Variants in GNAI1 observed in about 807,000 individuals in gnomAD.
GNAI1 encodes the protein guanine nucleotide-binding protein G(i) subunit alpha-1.
GNAI1 carries 11 observed loss-of-function variants against 38.9 expected under a neutral mutation model. That is an observed-to-expected ratio of 0.28 (90% CI 0.18 to 0.47). The LOEUF is 0.47. GNAI1 is among the 20% of genes least tolerant of loss of function. GNAI1 has a pLI of 0.99. For synonymous variants in GNAI1, 166 were observed against 145.1 expected, an observed-to-expected ratio of 1.14 and a Z score of -1.04; for missense variants, 317 against 436.9, an observed-to-expected ratio of 0.73 and a Z score of 2.45.
intron 1 of GNAI1, among the ~76,000 whole-genome samples, chr7:80,146,895 A>G (rs549158252): frequency 2.0e-5 from 3 of 152,290 alleles, no homozygotes; most frequent in South Asian, 2.1e-4. Flanking sequence ...GAACACACAC[A>G]TATCTATCAC....
chr7:80,168,672 C>T (rs2428470), intron 1 of GNAI1, among the ~76,000 whole-genome samples: 9,343 of 152,192 alleles, frequency 0.061, 388 homozygotes, highest in Non-Finnish European at 0.088. Context: ...CGTGAGCCAC[C>T]GCGCCTGGCC....
intron 5 of GNAI1, 73 bp from the exon 6 acceptor site, chr7:80,210,896 T>C (rs3801356): frequency 0.22 from 279,459 of 1,295,336 alleles, 31,859 homozygotes; most frequent in Middle Eastern, 0.26. Flanking sequence ...GAGCTTTTTT[T>C]GTTAGCATTA....
intron 1 of GNAI1, among the ~76,000 whole-genome samples, chr7:80,154,359 T>C (rs981816629): frequency 7.9e-5 from 12 of 152,220 alleles, no homozygotes; most frequent in African/African-American, 2.7e-4. Flanking sequence ...TCTGTGTGAA[T>C]TTGGTGAATT....
chr7:80,181,974 C>G (rs1388545105), intron 1 of GNAI1, among the ~76,000 whole-genome samples: 1 of 152,124 alleles, frequency 6.6e-6, no homozygotes, highest in Non-Finnish European at 1.5e-5. Flanking sequence ...CAGTGGATCT[C>G]TACAACTTAT....
In GNAI1 at chr7:80,193,128, A is replaced by T. The variant is rs6467044; in HGVS notation, c.303+3897A>T. 2.6e-5 allele frequency among the ~76,000 whole-genome samples: 4 copies of T among 151,850 alleles called. No individual in the cohort carries two copies. The South Asian group carries it at 6.2e-4, about 24-fold the overall frequency. On this transcript the variant is annotated intron_variant, in intron 3 of 7. Coordinates refer to ENST00000649796, the MANE Select transcript of GNAI1 (RefSeq NM_002069.6). ...GCACCTGGTAGAGTAAGCGCACCCCATTTCATTCCGTTGTTCTTTTGCCGA... is the reference window on the plus strand; with the variant it reads ...GCACCTGGTAGAGTAAGCGCACCCCTTTTCATTCCGTTGTTCTTTTGCCGA...
At chr7:80,187,819 C>G (rs753736274) in intron 1 of GNAI1, among the ~76,000 whole-genome samples, 21 of 152,086 alleles carry the variant, frequency 1.4e-4, no homozygotes, top group Non-Finnish European at 2.2e-4. Context: ...TTCTCAATAC[C>G]CAGCAATCAA....
chr7:80,137,323 T>C (rs1490873636), intron 1 of GNAI1, among the ~76,000 whole-genome samples: 31 of 127,590 alleles, frequency 2.4e-4, no homozygotes, highest in East Asian at 8.8e-4. Flanking sequence ...TTTTCTTTTT[T>C]TTTTTTTTTT....
chr7:80,188,822 A>C, intron 1 of GNAI1, 129 bp from the exon 2 acceptor site: 2 of 638,866 alleles, frequency 3.1e-6, no homozygotes, highest in Middle Eastern at 8.7e-4. Context: ...AACAAAATTC[A>C]GCTCTAAGAG....
chr7:80,214,899 C>T (rs984403558), intron 7 of GNAI1, among the ~76,000 whole-genome samples: 1 of 152,122 alleles, frequency 6.6e-6, no homozygotes, highest in African/African-American at 2.4e-5. Flanking sequence ...TTGTGGTCAG[C>T]CCTAATTTCT....
chr7:80,220,240 A>G lies in GNAI1; in HGVS notation c.*2747A>G, dbSNP rs1789048032. 6.7e-6 allele frequency among the ~76,000 whole-genome samples: 1 copy of G among 148,814 alleles called. No homozygotes were observed. Among genetic ancestry groups the G allele is most frequent in the Non-Finnish European group, 1.5e-5 (1 of 67,264 alleles). On this transcript the variant is annotated 3_prime_UTR_variant, in exon 8 of 8. Transcript: ENST00000649796. ...CTTTCCTCCAAGTACTGTATTACTT[A>G]CTACATGTGATATGCTTAGAGCAGT...
intron 1 of GNAI1, among the ~76,000 whole-genome samples, chr7:80,137,338 T>TTTTTA (rs1787439828): frequency 7.5e-6 from 1 of 133,132 alleles, no homozygotes; most frequent in African/African-American, 2.7e-5. Flanking sequence ...TTTTTTTTTT[T>TTTTTA]GAGACGGAGT....
At chr7:80,198,909 A>G (rs534654771) in intron 3 of GNAI1, among the ~76,000 whole-genome samples, 11 of 152,298 alleles carry the variant, frequency 7.2e-5, no homozygotes, top group South Asian at 4.1e-4. Flanking sequence ...ATCATCTTCA[A>G]TACACAACAA....
At chr7:80,145,513 T>G (rs909893500) in intron 1 of GNAI1, among the ~76,000 whole-genome samples, 2 of 152,184 alleles carry the variant, frequency 1.3e-5, no homozygotes, top group Admixed American at 6.5e-5. Context: ...TTTTATCCAG[T>G]TGGTAATAAC....
chr7:80,179,186 T>G lies in GNAI1; in HGVS notation c.119-9765T>G, dbSNP rs549777201. Among the ~76,000 whole-genome samples, 41 of 152,350 alleles carry G rather than the reference T, an allele frequency of 2.7e-4. 1 individual carries two copies. Among genetic ancestry groups the G allele is most frequent in the African/African-American group, 8.7e-4 (36 of 41,584 alleles). ...AATAACTAGTTAGCAACTTAATGAC[T>G]GTGTTATGATAACTAATCAAGAAAA... On this transcript the variant is annotated intron_variant, in intron 1 of 7. Transcript: ENST00000649796.
chr7:80,211,173 G>T, intron 6 of GNAI1, 75 bp downstream of exon 6: 1 of 1,300,046 alleles, frequency 7.7e-7, no homozygotes, highest in Non-Finnish European at 1.1e-6. Context: ...TCTTTCTAAT[G>T]TCTATAACAA....
intron 1 of GNAI1, among the ~76,000 whole-genome samples, chr7:80,183,479 G>C (rs1788332991): frequency 6.6e-6 from 1 of 152,144 alleles, no homozygotes; most frequent in South Asian, 2.1e-4. Flanking sequence ...TAAAAGGAGA[G>C]TAGAGGTATG....
chr7:80,189,044 A>G (rs1219170917), intron 2 of GNAI1, 46 bp from the exon 3 acceptor site: 1 of 1,601,158 alleles, frequency 6.2e-7, no homozygotes, highest in Admixed American at 1.7e-5. Flanking sequence ...GTACCGTTCT[A>G]CCAAAGGAAG....
Position 80,199,370 on chromosome 7 carries a change from A to C in GNAI1, c.449A>C (p.Asp150Ala). ...AGATCCCGAGAGTACCAGCTTAATG[A>C]TTCTGCAGCATAGTAAGTAATCATA... ...FNRSREYQLNDSAAYYLNDLD... is the reference protein window; with the variant it reads ...FNRSREYQLNASAAYYLNDLD... Residue 150 changes from aspartate to alanine, a missense_variant, in exon 4 of 8, where the codon GAT becomes GCT. Asp to Ala is a moderately radical substitution (Grantham distance 126, BLOSUM62 -2). Around this residue, in one of 5 missense-constraint regions of GNAI1, gnomAD observed 158 missense variants for 234.7 expected, o/e 0.67. Coordinates refer to ENST00000649796, the MANE Select transcript of GNAI1 (RefSeq NM_002069.6). 3.1e-6 allele frequency: 5 copies of C among 1,601,156 alleles called. No homozygotes were observed. The highest frequency in any genetic ancestry group is 4.3e-6 in the Non-Finnish European group (5 of 1,172,366).
rs1445838520 is a variant in GNAI1 at position 80,219,386 on chromosome 7, T to A, written c.*1893T>A. The A allele has an allele frequency of 1.3e-5, 2 of 152,634 alleles. No individual in the cohort carries two copies. Among genetic ancestry groups the A allele is most frequent in the Non-Finnish European group, 2.9e-5 (2 of 68,028 alleles). The allele number at this position is 152,634 out of a possible 1,614,324, so 9.5% of individuals were successfully genotyped here. On this transcript the variant is annotated 3_prime_UTR_variant, in exon 8 of 8. Transcript: ENST00000649796. The stretch of plus-strand genomic sequence containing the variant: ...ATTGTGTTAATAAATCCTAATAAAT[T>A]TAAATTTTTAAAATTTTACAAACCT...
Sources: gnomAD v4.1 joint callset for allele counts (sites outside exome capture counted in the v4.1 genomes callset) on GRCh38, gnomAD v4.1.1 for gene constraint, gnomAD v4.1.1 regional missense constraint, MANE v1.5 for transcripts, NCBI Gene and HGNC (gene_info 2026-07-23, HGNC 2026-07-21) for gene names.